CLVS2: variants seen among roughly 807,000 people sequenced by gnomAD.
CLVS2 encodes clavesin-2.
CLVS2 carries 19 observed loss-of-function variants against 29.0 expected under a neutral mutation model. That is an observed-to-expected ratio of 0.66 (90% confidence interval 0.46 to 0.96). The LOEUF (loss-of-function observed/expected upper bound fraction) is 0.96, where lower values mean the gene tolerates loss of function less well. Among genes scored for constraint, CLVS2 ranks in the 40% least tolerant of loss-of-function variants. The pLI is 0.00. For missense variants in CLVS2, 294 were observed against 404.1 expected (o/e 0.73, Z 2.34); for synonymous variants, 161 against 151.3 (o/e 1.06, Z -0.47).
intron 3 of CLVS2, among the ~76,000 whole-genome samples, chr6:123,036,267 T>G (rs987497172): frequency 5.9e-5 from 9 of 152,256 alleles, no homozygotes; most frequent in African/African-American, 2.2e-4. Context: ...GAGAATAGCT[T>G]TGGGTGATTA....
In CLVS2 at chr6:123,051,055, T is replaced by C. The variant is rs200257219; in HGVS notation, c.675+2323T>C. ...TTTAAATACTTTAAATTTCTACTTATATAATCAATACACAGTGCAAAGCTA... is the reference window on the plus strand; with the variant it reads ...TTTAAATACTTTAAATTTCTACTTACATAATCAATACACAGTGCAAAGCTA... On this transcript the variant is annotated intron_variant, in intron 4 of 5. Coordinates refer to ENST00000275162, the MANE Select transcript of CLVS2 (RefSeq NM_001010852.4). Among the ~76,000 whole-genome samples the C allele has an allele frequency of 2.2e-4, 34 of 152,282 alleles. No homozygotes were observed. The East Asian group carries it at 6.6e-3, about 29-fold the overall frequency.
intron 3 of CLVS2, among the ~76,000 whole-genome samples, chr6:123,021,267 T>C (rs1774916517): frequency 6.6e-6 from 1 of 152,062 alleles, no homozygotes; most frequent in African/African-American, 2.4e-5. Flanking sequence ...CCATTATTTC[T>C]GATGAGAACC....
intron 2 of CLVS2, among the ~76,000 whole-genome samples, chr6:123,010,191 C>A (rs116398038): frequency 0.011 from 1,656 of 152,074 alleles, 26 homozygotes; most frequent in African/African-American, 0.038. Context: ...TCAAATTTGG[C>A]TTCTTATTTT....
rs1444443758 is a variant in CLVS2 at position 123,068,752 on chromosome 6, A to G, written c.*4991A>G. The G allele has an allele frequency of 2.6e-5, 4 of 151,770 alleles. No homozygotes were observed. Among genetic ancestry groups the G allele is most frequent in the Admixed American group, 1.3e-4 (2 of 15,192 alleles). The allele number at this position is 151,770 out of a possible 1,614,324, so 9.4% of individuals were successfully genotyped here. ...TTTTACTACTACAAACTACTTATTT[A>G]GTACTACACGGCATTTACTATTTGG... On this transcript the variant is annotated 3_prime_UTR_variant, in exon 6 of 6. Transcript: ENST00000275162.
intron 2 of CLVS2, among the ~76,000 whole-genome samples, chr6:122,999,578 C>A (rs115983727): frequency 0.026 from 3,937 of 152,126 alleles, 75 homozygotes; most frequent in Non-Finnish European, 0.034. Context: ...ATTCATTGAC[C>A]ACAATTTTTG....
At chr6:123,053,056 G>A (rs1772639638) in intron 4 of CLVS2, among the ~76,000 whole-genome samples, 1 of 134,220 alleles carries the variant, frequency 7.5e-6, no homozygotes, top group Admixed American at 7.2e-5. Context: ...TAAAATATTA[G>A]GAAAATCAGG....
intron 4 of CLVS2, among the ~76,000 whole-genome samples, chr6:123,049,451 ATT>A (rs1772570129): frequency 6.6e-6 from 1 of 152,166 alleles, no homozygotes; most frequent in Non-Finnish European, 1.5e-5. Context: ...TGAAAAGTAA[ATT>A]TAGTAACCAT....
rs1772558302 is a variant in CLVS2, at chr6:123,048,678, C to G, written c.621C>G (p.Ile207Met). ...ATTTTGTCAATCAACCATGGTATATCCATGCCCTGTACACCGTGATCCGGC... is the reference window on the plus strand; with the variant it reads ...ATTTTGTCAATCAACCATGGTATATGCATGCCCTGTACACCGTGATCCGGC... ...GIHFVNQPWY[I>M]HALYTVIRPF... Residue 207 changes from isoleucine to methionine, a missense_variant, in exon 4 of 6, where the codon ATC becomes ATG. Coordinates refer to ENST00000275162, the MANE Select transcript of CLVS2 (RefSeq NM_001010852.4). 1.2e-6 allele frequency: 2 copies of G among 1,613,396 alleles called. No individual in the cohort carries two copies. Among genetic ancestry groups the G allele is most frequent in the Non-Finnish European group, 1.7e-6 (2 of 1,179,576 alleles).
Position 123,014,162 on chromosome 6 carries a change from T to C in CLVS2, c.564+3003T>C, listed in dbSNP as rs1395663256. On this transcript the variant is annotated intron_variant, in intron 3 of 5. Coordinates refer to ENST00000275162, the MANE Select transcript of CLVS2 (RefSeq NM_001010852.4). ...TTTATAGCAGCATGATTTAAAACCCTTTGGGTATATACCCAGTAATGGGAT... is the reference window on the plus strand; with the variant it reads ...TTTATAGCAGCATGATTTAAAACCCCTTGGGTATATACCCAGTAATGGGAT... Among the ~76,000 whole-genome samples the C allele has an allele frequency of 2.6e-5, 4 of 152,126 alleles. No homozygotes were observed. In the East Asian group the frequency reaches 7.7e-4, roughly 29 times the overall value.
chr6:123,057,308 T>A (rs1772705903), intron 5 of CLVS2, among the ~76,000 whole-genome samples: 1 of 151,042 alleles, frequency 6.6e-6, no homozygotes, highest in African/African-American at 2.4e-5. Context: ...CATGGAGTAA[T>A]GTGCCTGTTC....
intron 3 of CLVS2, among the ~76,000 whole-genome samples, chr6:123,032,714 C>A (rs1488882646): frequency 6.6e-6 from 1 of 152,010 alleles, no homozygotes; most frequent in Admixed American, 6.6e-5. Flanking sequence ...AAATTTTGAT[C>A]TCTTTCCCAC....
chr6:123,028,201 C>G (rs1269191525), intron 3 of CLVS2, among the ~76,000 whole-genome samples: 2 of 151,194 alleles, frequency 1.3e-5, no homozygotes, highest in African/African-American at 4.9e-5. Flanking sequence ...GATTCTATTT[C>G]TTGGCATTCT....
chr6:123,038,448 A>AT (rs919985183), intron 3 of CLVS2, among the ~76,000 whole-genome samples: 5 of 151,780 alleles, frequency 3.3e-5, no homozygotes, highest in Non-Finnish European at 7.4e-5. Context: ...CTTTGTGCCA[A>AT]TTTTTTTTAA....
At position 123,066,297 on chromosome 6, in the gene CLVS2, G is replaced by A. The variant is rs1435660444; in HGVS notation, c.*2536G>A. 2 of 151,178 alleles carry A rather than the reference G, an allele frequency of 1.3e-5. No homozygotes were observed. Among genetic ancestry groups the A allele is most frequent in the African/African-American group, 2.4e-5 (1 of 41,200 alleles). 9.4% of individuals were successfully genotyped at this position (151,178 alleles called of 1,614,324 possible). On this transcript the variant is annotated 3_prime_UTR_variant, in exon 6 of 6. Coordinates refer to ENST00000275162, the MANE Select transcript of CLVS2 (RefSeq NM_001010852.4). ...ATACACTATAGTTGTATGCCTATAA[G>A]CACTCCTATACTCTTGTATTTTAAT... is the stretch of plus-strand genomic sequence containing the variant.
chr6:122,998,874 G>T (rs1562160732), intron 2 of CLVS2, among the ~76,000 whole-genome samples: 1 of 147,842 alleles, frequency 6.8e-6, no homozygotes, highest in Non-Finnish European at 1.5e-5. Context: ...TTGGAAGGAA[G>T]TGGAAAATAT....
chr6:123,045,642 C>T (rs796603074), intron 3 of CLVS2, among the ~76,000 whole-genome samples: 7 of 152,282 alleles, frequency 4.6e-5, no homozygotes, highest in African/African-American at 1.4e-4. Context: ...CTTCCATTTC[C>T]ACCTTATAGG....
In CLVS2 at chr6:123,048,732, G is replaced by C. The variant is rs1299365216; in HGVS notation, c.675G>C (p.Arg225Ser). Residue 225 changes from arginine (R) to serine (S), a missense_variant and splice_region_variant, in exon 4 of 6, where the codon AGG (arginine) becomes AGC (serine). By Grantham distance (110) the Arg-to-Ser change is moderately radical. This residue lies in a region of CLVS2 where 212 missense variants were observed against 336.4 expected (regional missense o/e 0.63). Coordinates refer to ENST00000275162, the MANE Select transcript of CLVS2 (RefSeq NM_001010852.4). Reference protein sequence around the residue: ...RPFLKEKTRKRIFLHGNNLNS... With the variant: ...RPFLKEKTRKSIFLHGNNLNS... The stretch of plus-strand genomic sequence containing the variant: ...TCCTGAAGGAGAAAACTCGGAAAAG[G>C]GTATTCTTTTCTTTGATTTTTAATC... 6.3e-7 allele frequency: 1 copy of C among 1,588,470 alleles called. No homozygotes were observed. Among genetic ancestry groups the C allele is most frequent in the Admixed American group, 1.7e-5 (1 of 59,862 alleles).
chr6:123,055,147 A>C (rs1328429423), intron 4 of CLVS2, among the ~76,000 whole-genome samples: 1 of 152,184 alleles, frequency 6.6e-6, no homozygotes, highest in Non-Finnish European at 1.5e-5. Flanking sequence ...CTATTTGGAC[A>C]GTCAGTATGG....
In CLVS2 at chr6:122,997,674, C is replaced by A; in HGVS notation, c.-104C>A. 1 of 1,077,940 alleles carries A rather than the reference C, an allele frequency of 9.3e-7. No individual in the cohort carries two copies. Among genetic ancestry groups the A allele is most frequent in the Non-Finnish European group, 1.4e-6 (1 of 730,528 alleles). 66.8% of individuals were successfully genotyped at this position (1,077,940 alleles called of 1,614,324 possible). On this transcript the variant is annotated 5_prime_UTR_variant, in exon 2 of 6. Transcript: ENST00000275162. The stretch of plus-strand genomic sequence containing the variant: ...TTTCCTGTAGGGGAGAGGAAGCAGG[C>A]AGCAGGAGGTCTGGGGGCTGGAGTC...
Sources: allele counts gnomAD v4.1 joint callset (sites outside exome capture counted in the v4.1 genomes callset), GRCh38; gene constraint gnomAD v4.1.1; regional missense constraint gnomAD v4.1.1; transcripts MANE v1.5; gene names NCBI Gene and HGNC (gene_info 2026-07-23, HGNC 2026-07-21).